RGPD4: variants seen among roughly 807,000 people sequenced by gnomAD.
RGPD4 encodes RANBP2 like and GRIP domain containing 4, also known as ranBP2-like and GRIP domain-containing protein 4.
RGPD4 carries 84 observed loss-of-function variants against 141.1 expected under a neutral mutation model. The observed-to-expected ratio is 0.60, with a 90% CI of 0.50 to 0.71. The LOEUF (loss-of-function observed/expected upper bound fraction) is 0.71, where lower values mean the gene tolerates loss of function less well. RGPD4 is among the 30% of genes least tolerant of loss of function. The probability of loss-of-function intolerance (pLI) is 0.00; values close to 1 mark genes in which losing one functional copy is unlikely to be tolerated. For synonymous variants in RGPD4, 298 were observed against 566.8 expected (o/e 0.53, Z 6.74); for missense variants, 918 against 1,622.4 (o/e 0.57, Z 7.46).
intron 22 of RGPD4, among the ~76,000 whole-genome samples, chr2:107,884,617 TG>T (rs1189930748): frequency 1.4e-5 from 2 of 145,304 alleles, no homozygotes; most frequent in African/African-American, 5.2e-5. Context: ...TAGATGGTAT[TG>T]TGTGCTTTCT....
At chr2:107,834,229 A>AT (rs1003587588) in intron 1 of RGPD4, among the ~76,000 whole-genome samples, 16 of 149,254 alleles carry the variant, frequency 1.1e-4, no homozygotes, top group African/African-American at 1.7e-4. Context: ...ATTCCCAGGC[A>AT]TTTTTTTCAT....
In RGPD4 at chr2:107,880,004, A is replaced by T. The variant is rs199879740; in HGVS notation, c.4961A>T (p.Glu1654Val). The T allele has an allele frequency of 2.0e-5, 32 of 1,611,424 alleles. No individual in the cohort carries two copies. Among genetic ancestry groups the T allele is most frequent in the Admixed American group, 8.3e-5 (5 of 59,988 alleles). Residue 1654 changes from glutamate to valine, a missense_variant, in exon 21 of 23, where the codon GAA (glutamate) becomes GTA (valine). Physicochemically the swap from Glu to Val is moderately radical, Grantham distance 121. Transcript: ENST00000408999. ...TGGCATGCTGAATTTACCAAAGAAGAATTGGTTCAGAAGCTCAGTTCCACC... is the reference window on the plus strand; with the variant it reads ...TGGCATGCTGAATTTACCAAAGAAGTATTGGTTCAGAAGCTCAGTTCCACC... Reference protein sequence around the residue: ...PLWHAEFTKEELVQKLSSTTK... With the variant: ...PLWHAEFTKEVLVQKLSSTTK...
intron 6 of RGPD4, among the ~76,000 whole-genome samples, chr2:107,844,848 T>G (rs1287540522): frequency 9.5e-6 from 1 of 105,308 alleles, no homozygotes; most frequent in Non-Finnish European, 2.0e-5. Context: ...TTTTTTTTTT[T>G]TTTTTTGAGA....
chr2:107,863,593 A>G lies in RGPD4; in HGVS notation c.2469+561A>G, dbSNP rs545555624. 2.3e-3 allele frequency among the ~76,000 whole-genome samples: 346 copies of G among 151,728 alleles called. 8 individuals are homozygous for G. Among genetic ancestry groups the G allele is most frequent in the African/African-American group, 8.0e-3 (329 of 41,108 alleles). ...CTGCAACCTCCACCTCCCAGGTTCAAGCAACTCTCCTGCCTCAGCCTCCCG... is the reference window on the plus strand; with the variant it reads ...CTGCAACCTCCACCTCCCAGGTTCAGGCAACTCTCCTGCCTCAGCCTCCCG... On this transcript the variant is annotated intron_variant, in intron 17 of 22. Coordinates refer to ENST00000408999, the MANE Select transcript of RGPD4 (RefSeq NM_182588.3).
chr2:107,890,576 A>AACCCC (rs1675628273), intron 22 of RGPD4, 145 bp from the exon 23 acceptor site: 1 of 88,404 alleles, frequency 1.1e-5, no homozygotes, highest in Admixed American at 2.5e-4. Flanking sequence ...AAAAAAAAGA[A>AACCCC]CCCCCCCCCC....
rs1015144382 is a variant in RGPD4, at chr2:107,892,006, T to C, written c.*1275T>C. On this transcript the variant is annotated 3_prime_UTR_variant, in exon 23 of 23. Coordinates refer to ENST00000408999, the MANE Select transcript of RGPD4 (RefSeq NM_182588.3). The stretch of plus-strand genomic sequence containing the variant: ...ATAATTTTTAATATTTATGTATTAA[T>C]CACATAGTATGCTCTCTGAAGTTCT... Among the ~76,000 whole-genome samples the C allele has an allele frequency of 2.0e-5, 2 of 102,190 alleles. No homozygotes were observed. Among genetic ancestry groups the C allele is most frequent in the Admixed American group, 9.4e-5 (1 of 10,670 alleles). 67.0% of individuals were successfully genotyped at this position (102,190 alleles called of 152,430 possible).
intron 22 of RGPD4, among the ~76,000 whole-genome samples, chr2:107,888,556 T>A (rs1383174601): frequency 6.6e-6 from 1 of 151,878 alleles, no homozygotes; most frequent in Admixed American, 6.6e-5. Context: ...TTCTTTGCCC[T>A]CATTCCCTCC....
intron 1 of RGPD4, among the ~76,000 whole-genome samples, chr2:107,830,247 G>A (rs1681432207): frequency 6.7e-6 from 1 of 149,138 alleles, no homozygotes; most frequent in African/African-American, 2.5e-5. Flanking sequence ...TTCCACAGAT[G>A]TTTTAAGGGT....
At chr2:107,865,851 C>T (rs1045504202) in intron 17 of RGPD4, among the ~76,000 whole-genome samples, 8 of 145,456 alleles carry the variant, frequency 5.5e-5, no homozygotes, top group African/African-American at 1.6e-4. Flanking sequence ...TGGTGGATCA[C>T]TTGAGGTCAG....
chr2:107,883,370 G>A (rs1573534905), intron 22 of RGPD4, among the ~76,000 whole-genome samples: 3 of 151,640 alleles, frequency 2.0e-5, no homozygotes, highest in South Asian at 4.2e-4. Flanking sequence ...GGTGGTTCAT[G>A]CCTATAATCC....
chr2:107,846,581 C>G (rs1186950301), intron 6 of RGPD4, among the ~76,000 whole-genome samples: 2 of 150,078 alleles, frequency 1.3e-5, no homozygotes, highest in African/African-American at 4.9e-5. Context: ...ATTCTCCTGC[C>G]TCAGCCTCCC....
intron 1 of RGPD4, among the ~76,000 whole-genome samples, chr2:107,827,600 C>CGGG (rs1303371337): frequency 1.2e-4 from 6 of 48,658 alleles, no homozygotes; most frequent in South Asian, 8.1e-4. Flanking sequence ...TCGACCTGGC[C>CGGG]CGGCGGCGGC....
chr2:107,844,353 T>C (rs1338906508), intron 6 of RGPD4, among the ~76,000 whole-genome samples: 1 of 152,078 alleles, frequency 6.6e-6, no homozygotes, highest in Non-Finnish European at 1.5e-5. Flanking sequence ...CCCTGCCTAA[T>C]TTTGTTAATA....
intron 21 of RGPD4, among the ~76,000 whole-genome samples, chr2:107,881,230 A>T (rs1381554048): frequency 6.6e-6 from 1 of 150,676 alleles, no homozygotes; most frequent in Non-Finnish European, 1.5e-5. Flanking sequence ...GCATCTCTAT[A>T]AAATAACATT....
chr2:107,827,020 T>A lies in RGPD4; in HGVS notation c.7T>A (p.Cys3Ser). The change falls in exon 1 of 23, where the codon TGC (cysteine) becomes AGC (serine). Residue 3 changes from cysteine (C) to serine (S), a missense_variant. Coordinates refer to ENST00000408999, the MANE Select transcript of RGPD4 (RefSeq NM_182588.3). The stretch of plus-strand genomic sequence containing the variant: ...GAGCCAGGTTGGTGGCGCGATGAGT[T>A]GCAGCAAGGCCTACGGGGAGCGGTA... MS[C>S]SKAYGERYVA... The A allele has an allele frequency of 6.3e-7, 1 of 1,599,440 alleles. No individual in the cohort carries two copies. Among genetic ancestry groups the A allele is most frequent in the South Asian group, 1.1e-5 (1 of 88,166 alleles).
rs570369043 is a variant in RGPD4, at chr2:107,874,658, C to G, written c.4924+1730C>G. Among the ~76,000 whole-genome samples the G allele has an allele frequency of 6.6e-3, 992 of 150,934 alleles. 25 individuals carry two copies. Among genetic ancestry groups the G allele is most frequent in the African/African-American group, 0.023 (931 of 40,630 alleles). ...TGAGCTCTAGGTTAGGAATCCCTGA[C>G]CTAAGAACGAATGTGCCTATACACT... On this transcript the variant is annotated intron_variant, in intron 20 of 22. Transcript: ENST00000408999.
rs183666567 is a variant in RGPD4 at position 107,860,077 on chromosome 2, A to G, written c.1758+232A>G. Among the ~76,000 whole-genome samples, 111 of 49,924 alleles carry G rather than the reference A, an allele frequency of 2.2e-3. 19 individuals are homozygous for G. The East Asian group carries it at 0.026, about 12-fold the overall frequency. The allele number at this position is 49,924 out of a possible 152,430, so 32.8% of individuals were successfully genotyped here. A position where few individuals can be genotyped will look rare whatever the true frequency, so the allele number is the denominator to read the frequency against. ...AGCTGAGCTGTTACTGTTATTCCTT[A>G]ATAATTAAGTTCTGATAATTATTTA... On this transcript the variant is annotated intron_variant, in intron 12 of 22. Transcript: ENST00000408999.
At chr2:107,849,392 A>G (rs1169918204) in intron 7 of RGPD4, among the ~76,000 whole-genome samples, 1 of 123,042 alleles carries the variant, frequency 8.1e-6, no homozygotes, top group Non-Finnish European at 1.6e-5. Flanking sequence ...TTTGAGACGG[A>G]GTCTCGCTCT....
chr2:107,830,839 T>C (rs1167980888), intron 1 of RGPD4, among the ~76,000 whole-genome samples: 1 of 152,020 alleles, frequency 6.6e-6, no homozygotes, highest in Non-Finnish European at 1.5e-5. Flanking sequence ...CGTCTGTATA[T>C]CATATCTTTC....
Sources: gnomAD v4.1 joint callset for allele counts (sites outside exome capture counted in the v4.1 genomes callset) on GRCh38, gnomAD v4.1.1 for gene constraint, MANE v1.5 for transcripts, NCBI Gene and HGNC (gene_info 2026-07-23, HGNC 2026-07-21) for gene names.